Variants in KIAA0753 observed in about 807,000 individuals in gnomAD.
KIAA0753 encodes the protein KIAA0753, also known as protein moonraker.
A neutral mutation model predicts 116.9 loss-of-function variants in KIAA0753; 114 were observed. The observed-to-expected ratio is 0.98, with a 90% CI of 0.84 to 1.14. The LOEUF is 1.14. Among genes scored for constraint, KIAA0753 ranks in the 50% most tolerant of loss-of-function variants. The pLI is 0.00. For synonymous variants in KIAA0753, 405 were observed against 413.1 expected (o/e 0.98, Z 0.24); for missense variants, 1,156 against 1,172.4 (o/e 0.99, Z 0.20).
intron 7 of KIAA0753, among the ~76,000 whole-genome samples, chr17:6,620,207 T>C (rs1313998096): frequency 6.6e-6 from 1 of 152,178 alleles, no homozygotes; most frequent in African/African-American, 2.4e-5. Flanking sequence ...GATGCCACTG[T>C]CCACTGATAC....
chr17:6,611,459 T>C (rs1970540304), intron 8 of KIAA0753, among the ~76,000 whole-genome samples: 1 of 151,960 alleles, frequency 6.6e-6, no homozygotes, highest in Non-Finnish European at 1.5e-5. Context: ...AGTTACCACA[T>C]CTGGCTAATT....
chr17:6,586,217 G>A (rs115031044), intron 18 of KIAA0753, among the ~76,000 whole-genome samples: 4 of 152,044 alleles, frequency 2.6e-5, no homozygotes, highest in East Asian at 1.9e-4. Flanking sequence ...GAGGTGTCCC[G>A]AGAAGCCAAG....
At chr17:6,584,328 A>C (rs1232431238) in intron 18 of KIAA0753, among the ~76,000 whole-genome samples, 1 of 152,162 alleles carries the variant, frequency 6.6e-6, no homozygotes, top group East Asian at 1.9e-4. Flanking sequence ...TGCCTTCAAG[A>C]ATATAGGTTT....
At chr17:6,588,336 GA>G (rs1246068708) in intron 18 of KIAA0753, among the ~76,000 whole-genome samples, 1 of 152,082 alleles carries the variant, frequency 6.6e-6, no homozygotes, top group African/African-American at 2.4e-5. Context: ...TGTAAACCAA[GA>G]AAGCGGAAGA....
At chr17:6,599,429 AGC>A in intron 13 of KIAA0753, 109 bp from the exon 14 acceptor site, 1 of 743,732 alleles carries the variant, frequency 1.3e-6, no homozygotes, top group Non-Finnish European at 2.3e-6. Flanking sequence ...CATCAGCTTT[AGC>A]TACATTAGGC....
intron 16 of KIAA0753, among the ~76,000 whole-genome samples, chr17:6,594,521 CAG>C (rs1439536819): frequency 6.6e-6 from 1 of 152,148 alleles, no homozygotes; most frequent in Non-Finnish European, 1.5e-5. Context: ...AAAGCTAACT[CAG>C]AAAGCACAGT....
intron 3 of KIAA0753, among the ~76,000 whole-genome samples, chr17:6,626,403 A>C (rs1260627107): frequency 6.6e-6 from 1 of 152,256 alleles, no homozygotes. Context: ...ATCTGAAGTC[A>C]GGAGTTGTAG....
At chr17:6,636,837 C>G (rs1265351220) in intron 1 of KIAA0753, 3 of 152,198 alleles carry the variant, frequency 2.0e-5, no homozygotes, top group African/African-American at 7.3e-5. Context: ...CCAAATTGCT[C>G]CCTCTCACTC....
At chr17:6,637,356 C>G (rs549581066) in intron 1 of KIAA0753, 1 of 152,488 alleles carries the variant, frequency 6.6e-6, no homozygotes, top group East Asian at 1.9e-4. Context: ...CTGTCTCCCC[C>G]TCCACAGGTC....
Position 6,579,604 on chromosome 17 carries a change from C to T in KIAA0753, c.*143G>A. The T allele has an allele frequency of 1.5e-6, 1 of 665,348 alleles. No individual in the cohort carries two copies. Among genetic ancestry groups the T allele is most frequent in the Non-Finnish European group, 2.7e-6 (1 of 370,424 alleles). 41.2% of individuals were successfully genotyped at this position (665,348 alleles called of 1,614,324 possible). A position where few individuals can be genotyped will look rare whatever the true frequency, so the allele number is the denominator to read the frequency against. The stretch of plus-strand genomic sequence containing the variant: ...AGAAAATGCAAAGTGAGGATGACCT[C>T]CCCGGCACTGCCTTCCTTTCAGTGG... On this transcript the variant is annotated 3_prime_UTR_variant, in exon 19 of 19. Coordinates refer to ENST00000361413, the MANE Select transcript of KIAA0753 (RefSeq NM_014804.3).
At chr17:6,596,948 GC>G (rs569119442) in intron 14 of KIAA0753, among the ~76,000 whole-genome samples, 215 of 152,330 alleles carry the variant, frequency 1.4e-3, no homozygotes, top group African/African-American at 5.1e-3. Flanking sequence ...AGAGGCTTTT[GC>G]AAAGAATGTT....
At chr17:6,581,117 T>A (rs1011222907) in intron 18 of KIAA0753, among the ~76,000 whole-genome samples, 8 of 152,278 alleles carry the variant, frequency 5.3e-5, no homozygotes, top group African/African-American at 1.9e-4. Flanking sequence ...TCCAAATAAT[T>A]TCCTTCAAAA....
At chr17:6,602,022 G>C (rs1027858809) in intron 12 of KIAA0753, among the ~76,000 whole-genome samples, 1 of 152,298 alleles carries the variant, frequency 6.6e-6, no homozygotes, top group East Asian at 1.9e-4. Flanking sequence ...TAGAAAAGGT[G>C]CCCAACATCA....
chr17:6,596,254 A>C lies in KIAA0753; in HGVS notation c.2262T>G (p.His754Gln), dbSNP rs1318884026. The part of the protein sequence containing the change: ...DCASELWAVT[H>Q]AKILGSETLA... The stretch of plus-strand genomic sequence containing the variant: ...AGGTTTCAGACCCCAAGATCTTAGC[A>C]TGAGTCACAGCCCAGAGCTCACTGG... The change falls in exon 15 of 19, where the codon CAT becomes CAG. Residue 754 changes from histidine (H) to glutamine (Q), a missense_variant. Physicochemically the swap from His to Gln is conservative, Grantham distance 24 (BLOSUM62 0). Transcript: ENST00000361413. 3 of 1,613,720 alleles carry C rather than the reference A, an allele frequency of 1.9e-6. No individual in the cohort carries two copies. The highest frequency in any genetic ancestry group is 2.5e-6 in the Non-Finnish European group (3 of 1,179,860).
At position 6,590,642 on chromosome 17, in the gene KIAA0753, G is replaced by A; in HGVS notation, c.2441-12C>T. 2.5e-6 allele frequency: 4 copies of A among 1,613,204 alleles called. No individual in the cohort carries two copies. The highest frequency in any genetic ancestry group is 2.7e-5 in the African/African-American group (2 of 74,960). Reference sequence around the variant, plus strand: ...TGAGATTTTTTGGTCTAGAAAAGGAGGGTCATAAAATGACTGCATATAAAG... The same window carrying A: ...TGAGATTTTTTGGTCTAGAAAAGGAAGGTCATAAAATGACTGCATATAAAG... On this transcript the variant is annotated splice_polypyrimidine_tract_variant and intron_variant, in intron 16 of 18. Transcript: ENST00000361413.
chr17:6,618,756 A>C (rs1438054714), intron 7 of KIAA0753, among the ~76,000 whole-genome samples: 3 of 152,192 alleles, frequency 2.0e-5, no homozygotes, highest in Non-Finnish European at 2.9e-5. Context: ...GGACTGATAT[A>C]TATAACTTTC....
At chr17:6,600,505 T>C (rs924897235) in intron 12 of KIAA0753, 47 bp from the exon 13 acceptor site, 1 of 1,452,854 alleles carries the variant, frequency 6.9e-7, no homozygotes, top group Non-Finnish European at 9.6e-7. Flanking sequence ...CAATAAAATA[T>C]CCTATTTTGC....
At chr17:6,587,307 A>C (rs776841775) in intron 18 of KIAA0753, among the ~76,000 whole-genome samples, 7 of 152,196 alleles carry the variant, frequency 4.6e-5, no homozygotes, top group Admixed American at 1.3e-4. Flanking sequence ...ATGCACTGTC[A>C]CTTGGGGTCA....
intron 18 of KIAA0753, among the ~76,000 whole-genome samples, chr17:6,585,615 T>G (rs1282306542): frequency 1.3e-5 from 2 of 152,228 alleles, no homozygotes; most frequent in Middle Eastern, 3.2e-3. Context: ...TGACATTTTC[T>G]TTGGATCCTT....
Sources: gnomAD v4.1 joint callset for allele counts (sites outside exome capture counted in the v4.1 genomes callset) on GRCh38, gnomAD v4.1.1 for gene constraint, MANE v1.5 for transcripts, NCBI Gene and HGNC (gene_info 2026-07-23, HGNC 2026-07-21) for gene names.